Variants in ZNF274 observed in about 807,000 individuals in gnomAD.
ZNF274 encodes the protein zinc finger protein 274, also known as neurotrophin receptor-interacting factor homolog.
A neutral mutation model predicts 42.5 loss-of-function variants in ZNF274; 23 were observed. That is an observed-to-expected ratio of 0.54 (90% CI 0.39 to 0.77). ZNF274 has a LOEUF of 0.77. Among genes scored for constraint, ZNF274 ranks in the 30% least tolerant of loss-of-function variants. The pLI is 0.00. For synonymous variants in ZNF274, 292 were observed against 305.4 expected, an observed-to-expected ratio of 0.96 and a Z score of 0.46; for missense variants, 679 against 806.5, an observed-to-expected ratio of 0.84 and a Z score of 1.91.
chr19:58,196,953 C>G (rs551314748), intron 4 of ZNF274, among the ~76,000 whole-genome samples: 1 of 152,304 alleles, frequency 6.6e-6, no homozygotes, highest in East Asian at 1.9e-4. Context: ...GAAATATGAT[C>G]ACGTGAGGAA....
chr19:58,205,167 T>C (rs1232887129), intron 4 of ZNF274, among the ~76,000 whole-genome samples: 2 of 152,192 alleles, frequency 1.3e-5, no homozygotes, highest in Non-Finnish European at 2.9e-5. Flanking sequence ...GTAGCTGTGG[T>C]TCCTTGCTGT....
At chr19:58,196,721 G>A (rs916818589) in intron 4 of ZNF274, among the ~76,000 whole-genome samples, 6 of 152,150 alleles carry the variant, frequency 3.9e-5, no homozygotes, top group Non-Finnish European at 7.3e-5. Context: ...GCTATAGAGT[G>A]ATCAACAGCA....
Position 58,210,061 on chromosome 19 carries a change from A to G in ZNF274, c.840A>G (p.Thr280=). 1 of 1,613,492 alleles carries G rather than the reference A, an allele frequency of 6.2e-7. No individual in the cohort carries two copies. The highest frequency in any genetic ancestry group is 2.2e-5 in the East Asian group (1 of 44,866). Residue 280 remains threonine (T), a synonymous_variant, in exon 6 of 8, where the codon ACA becomes ACG. Coordinates refer to ENST00000617501, the MANE Select transcript of ZNF274 (RefSeq NM_133502.3). ...AGGATGCAGCCATCTGCCCAGTGAC[A>G]GTGCTCCCTGAGGTAAGCGGGGAGT... ...KQEDAAICPV[T]VLPEEPVTFQ... is the part of the protein sequence containing the mutation.
chr19:58,184,897 C>T (rs901480838), intron 2 of ZNF274: 1 of 151,274 alleles, frequency 6.6e-6, no homozygotes, highest in East Asian at 1.9e-4. Context: ...GCAGGTGGAT[C>T]ACGAGGTCAG....
Position 58,207,704 on chromosome 19 carries a change from G to A in ZNF274, c.739+502G>A, listed in dbSNP as rs1403662643. The stretch of plus-strand genomic sequence containing the variant: ...TGCCATGCAGAGGGGAGCACTGCCT[G>A]TAAGGGCCAAGATGGAAGGGATCAC... On this transcript the variant is annotated intron_variant, in intron 5 of 7. Transcript: ENST00000617501. The surrounding 1 kb of genome is among the most constrained non-coding windows in gnomAD (Gnocchi z 5.6). Among the ~76,000 whole-genome samples, 1 of 152,176 alleles carries A rather than the reference G, an allele frequency of 6.6e-6. No homozygotes were observed. Among genetic ancestry groups the A allele is most frequent in the Non-Finnish European group, 1.5e-5 (1 of 68,040 alleles).
intron 2 of ZNF274, chr19:58,184,219 T>C: frequency 1.8e-6 from 1 of 565,540 alleles, no homozygotes; most frequent in Non-Finnish European, 3.1e-6. Context: ...TGTAGGGGCT[T>C]CTGAAGGCCA....
At chr19:58,193,868 T>G (rs1439214393) in intron 4 of ZNF274, among the ~76,000 whole-genome samples, 2 of 151,942 alleles carry the variant, frequency 1.3e-5, no homozygotes, top group Non-Finnish European at 2.9e-5. Context: ...TGAGGCTGCA[T>G]TGAGCTGTGA....
Position 58,213,398 on chromosome 19 carries a change from A to C in ZNF274, c.*255A>C, listed in dbSNP as rs924699537. Reference sequence around the variant, plus strand: ...TGTTTGTTCACTCATTTAGTCATTAAAAGTGAGATTAATAAAATCTGAAAA... The same window carrying C: ...TGTTTGTTCACTCATTTAGTCATTACAAGTGAGATTAATAAAATCTGAAAA... On this transcript the variant is annotated 3_prime_UTR_variant, in exon 8 of 8. Coordinates refer to ENST00000617501, the MANE Select transcript of ZNF274 (RefSeq NM_133502.3). 2 of 420,926 alleles carry C rather than the reference A, an allele frequency of 4.8e-6. No individual in the cohort carries two copies. The highest frequency in any genetic ancestry group is 8.3e-6 in the Non-Finnish European group (2 of 240,666). 26.1% of individuals were successfully genotyped at this position (420,926 alleles called of 1,614,324 possible). A position where few individuals can be genotyped will look rare whatever the true frequency, so the allele number is the denominator to read the frequency against.
In ZNF274 at chr19:58,207,329, A is replaced by G; in HGVS notation, c.739+127A>G. ...GATTGTGTCCGCTCCATACAGACCA[A>G]GGACATCCATGTTGCCCACGTGTTC... is the stretch of plus-strand genomic sequence containing the variant. On this transcript the variant is annotated intron_variant, in intron 5 of 7. Transcript: ENST00000617501. The surrounding 1 kb of genome is among the most constrained non-coding windows in gnomAD (Gnocchi z 5.6). 7.1e-7 allele frequency: 1 copy of G among 1,406,200 alleles called. No individual in the cohort carries two copies. The highest frequency in any genetic ancestry group is 9.4e-7 in the Non-Finnish European group (1 of 1,061,140). 87.1% of individuals were successfully genotyped at this position (1,406,200 alleles called of 1,614,324 possible).
At chr19:58,190,284 A>G (rs2075765023) in intron 4 of ZNF274, among the ~76,000 whole-genome samples, 1 of 151,448 alleles carries the variant, frequency 6.6e-6, no homozygotes, top group Non-Finnish European at 1.5e-5. Flanking sequence ...AGTAGCTGGG[A>G]CTACAGGCAT....
chr19:58,192,906 G>A (rs2075794381), intron 4 of ZNF274, among the ~76,000 whole-genome samples: 1 of 151,974 alleles, frequency 6.6e-6, no homozygotes, highest in Non-Finnish European at 1.5e-5. Flanking sequence ...CATTACGCCT[G>A]GCTAAGTTTT....
Position 58,212,663 on chromosome 19 carries a change from G to A in ZNF274, c.1482G>A (p.Gln494=). The A allele has an allele frequency of 6.2e-7, 1 of 1,614,024 alleles. No individual in the cohort carries two copies. Among genetic ancestry groups the A allele is most frequent in the Non-Finnish European group, 8.5e-7 (1 of 1,179,902 alleles). The part of the protein sequence containing the change: ...CRKTFSRSTK[Q]ITFIRIHKGS... ...AAACCTTCAGTCGGAGTACTAAACA[G>A]ATTACGTTTATAAGAATTCACAAGG... Residue 494 remains glutamine, a synonymous_variant, in exon 8 of 8, where the codon CAG becomes CAA. Transcript: ENST00000617501. The surrounding 1 kb of genome is among the most constrained non-coding windows in gnomAD (Gnocchi z 4.6).
intron 4 of ZNF274, among the ~76,000 whole-genome samples, chr19:58,188,676 GTATATATATATGTATATGTATATATA>G (rs1191744822): frequency 1.3e-5 from 1 of 79,772 alleles, no homozygotes; most frequent in Non-Finnish European, 2.5e-5. Flanking sequence ...GTGTGTGTGT[GTATATATATATGTATATGTATATATA>G]TATATATATA....
intron 3 of ZNF274, chr19:58,186,056 T>C (rs937550823): frequency 9.5e-6 from 3 of 314,990 alleles, no homozygotes; most frequent in South Asian, 1.5e-4. Context: ...TGGATGCTTA[T>C]TGTTCTTGCA....
At chr19:58,192,615 T>G (rs947578153) in intron 4 of ZNF274, among the ~76,000 whole-genome samples, 16 of 152,222 alleles carry the variant, frequency 1.1e-4, no homozygotes, top group African/African-American at 3.9e-4. Context: ...CCCATATAGC[T>G]GAAGTCATCT....
At chr19:58,195,313 AT>A (rs1228465329) in intron 4 of ZNF274, among the ~76,000 whole-genome samples, 2 of 152,178 alleles carry the variant, frequency 1.3e-5, no homozygotes, top group Admixed American at 1.3e-4. Context: ...GAATTGTCCC[AT>A]GTCTTAACTG....
At chr19:58,187,198 A>G (rs921440971) in intron 4 of ZNF274, among the ~76,000 whole-genome samples, 156 bp downstream of exon 4, 15 of 152,220 alleles carry the variant, frequency 9.9e-5, no homozygotes, top group African/African-American at 3.6e-4. Context: ...CTGGCTCCAC[A>G]GTCAGCAGTG....
chr19:58,188,605 CAAAAAA>C (rs1163562490), intron 4 of ZNF274, among the ~76,000 whole-genome samples: 298 of 48,762 alleles, frequency 6.1e-3, no homozygotes, highest in African/African-American at 0.02. Flanking sequence ...GACTCCATCT[CAAAAAA>C]AAAAAAAAAA....
intron 4 of ZNF274, 112 bp downstream of exon 4, chr19:58,187,154 T>G: frequency 1.1e-6 from 1 of 891,540 alleles, no homozygotes; most frequent in South Asian, 1.6e-5. Flanking sequence ...GATGCTGTGA[T>G]GAGCAGTTGC....
Sources: gnomAD v4.1 joint callset for allele counts (sites outside exome capture counted in the v4.1 genomes callset) on GRCh38, gnomAD v4.1.1 for gene constraint, Gnocchi (gnomAD v3.1) non-coding constraint, MANE v1.5 for transcripts, NCBI Gene and HGNC (gene_info 2026-07-23, HGNC 2026-07-21) for gene names.